The following SKI variants were observed in gnomAD, a reference collection of about 807,000 sequenced individuals.
SKI encodes ski oncogene.
A neutral mutation model predicts 59.3 loss-of-function variants in SKI; 23 were observed. The observed-to-expected ratio is 0.39, with a 90% CI of 0.28 to 0.55. The LOEUF (loss-of-function observed/expected upper bound fraction) is 0.55. Among genes scored for constraint, SKI ranks in the 20% least tolerant of loss-of-function variants. The pLI is 0.67. For synonymous variants in SKI, 673 were observed against 488.6 expected (o/e 1.38, Z -4.98); for missense variants, 1,017 against 1,038.9 (o/e 0.98, Z 0.29).
intron 1 of SKI, among the ~76,000 whole-genome samples, chr1:2,254,457 C>T (rs1448065696): frequency 2.0e-5 from 3 of 152,208 alleles, no homozygotes; most frequent in Admixed American, 6.5e-5. Flanking sequence ...CGTCCCTTCC[C>T]GAAGGCTTGA....
At chr1:2,274,358 G>GC (rs1639696384) in intron 1 of SKI, among the ~76,000 whole-genome samples, 1 of 152,124 alleles carries the variant, frequency 6.6e-6, no homozygotes, top group Non-Finnish European at 1.5e-5. Context: ...TTTCAGCCAG[G>GC]CCCCCATATG....
intron 1 of SKI, among the ~76,000 whole-genome samples, 177 bp from the exon 2 acceptor site, chr1:2,302,801 T>C (rs1250532243): frequency 6.6e-6 from 1 of 152,190 alleles, no homozygotes; most frequent in Non-Finnish European, 1.5e-5. Flanking sequence ...TAAGGGCCTT[T>C]ATGCAAAGTG....
intron 1 of SKI, among the ~76,000 whole-genome samples, chr1:2,277,108 AAAAG>A (rs1329122333): frequency 6.6e-6 from 1 of 152,150 alleles, no homozygotes; most frequent in African/African-American, 2.4e-5. Context: ...TGTTTGTTTA[AAAAG>A]AAAGGCTGTT....
In SKI at chr1:2,276,149, G is replaced by T. The variant is rs552199255; in HGVS notation, c.970-26829G>T. Among the ~76,000 whole-genome samples, 17 of 152,284 alleles carry T rather than the reference G, an allele frequency of 1.1e-4. No homozygotes were observed. In the East Asian group the frequency reaches 2.7e-3, roughly 24 times the overall value. ...TACTGTGATTGAGCACAGGGCCTGT[G>T]GACTCTCCCATTCACGCAGCCACAT... On this transcript the variant is annotated intron_variant, in intron 1 of 6. Coordinates refer to ENST00000378536, the MANE Select transcript of SKI (RefSeq NM_003036.4).
intron 1 of SKI, among the ~76,000 whole-genome samples, chr1:2,277,816 G>C (rs927722137): frequency 7.3e-6 from 1 of 137,890 alleles, no homozygotes; most frequent in African/African-American, 2.8e-5. Context: ...CTGCACTCAC[G>C]CACACACCTG....
At chr1:2,258,397 C>T (rs1376436101) in intron 1 of SKI, among the ~76,000 whole-genome samples, 3 of 151,658 alleles carry the variant, frequency 2.0e-5, no homozygotes, top group African/African-American at 2.4e-5. Flanking sequence ...CGTGCTACGG[C>T]GTCATGGAAG....
At chr1:2,254,463 C>T (rs926611102) in intron 1 of SKI, among the ~76,000 whole-genome samples, 1 of 152,212 alleles carries the variant, frequency 6.6e-6, no homozygotes, top group Non-Finnish European at 1.5e-5. Context: ...TTCCCGAAGG[C>T]TTGAGGTCCT....
chr1:2,237,150 C>G (rs920026854), intron 1 of SKI, among the ~76,000 whole-genome samples: 1 of 152,182 alleles, frequency 6.6e-6, no homozygotes, highest in Non-Finnish European at 1.5e-5. Context: ...GGTGACTCCA[C>G]GACAGCTTGT....
chr1:2,229,854 C>T lies in SKI; in HGVS notation c.969+119C>T. On this transcript the variant is annotated intron_variant, in intron 1 of 6. Transcript: ENST00000378536. The surrounding 1 kb of genome is among the most constrained non-coding windows in gnomAD (Gnocchi z 6.3). ...GTGCTTCTGCCGTGCCCCATGTCTC[C>T]AGTCTTCGCTTTGTTTTAGGGAAAT... The T allele has an allele frequency of 4.6e-6, 7 of 1,506,070 alleles. No homozygotes were observed. Among genetic ancestry groups the T allele is most frequent in the Non-Finnish European group, 4.5e-6 (5 of 1,117,266 alleles). The allele number at this position is 1,506,070 out of a possible 1,614,324, so 93.3% of individuals were successfully genotyped here. A position where few individuals can be genotyped will look rare whatever the true frequency, so the allele number is the denominator to read the frequency against.
At chr1:2,234,190 C>T (rs537264828) in intron 1 of SKI, among the ~76,000 whole-genome samples, 9 of 152,212 alleles carry the variant, frequency 5.9e-5, no homozygotes, top group African/African-American at 1.4e-4. Context: ...AACAGCAGCT[C>T]GAGAGTGGTT....
chr1:2,303,435 C>T lies in SKI; in HGVS notation c.1211+35C>T, dbSNP rs747369930. The stretch of plus-strand genomic sequence containing the variant: ...CGCCATTCACAGGTGTTTCTGATCA[C>T]GGGGGAGGCTCCACGAGGGCTGTGC... On this transcript the variant is annotated intron_variant, in intron 3 of 6. Coordinates refer to ENST00000378536, the MANE Select transcript of SKI (RefSeq NM_003036.4). The surrounding 1 kb of genome is among the most constrained non-coding windows in gnomAD (Gnocchi z 5.6). 1.4e-5 allele frequency: 22 copies of T among 1,566,188 alleles called. No homozygotes were observed. Among genetic ancestry groups the T allele is most frequent in the Non-Finnish European group, 1.8e-5 (20 of 1,140,332 alleles).
chr1:2,250,044 A>G (rs980011827), intron 1 of SKI, among the ~76,000 whole-genome samples: 2 of 152,058 alleles, frequency 1.3e-5, no homozygotes, highest in African/African-American at 4.8e-5. Context: ...AGCTGGGATT[A>G]CAGGCGCCCG....
chr1:2,271,606 C>G (rs1373397241), intron 1 of SKI, among the ~76,000 whole-genome samples: 1 of 152,276 alleles, frequency 6.6e-6, no homozygotes, highest in South Asian at 2.1e-4. Context: ...TTTTGTGCTA[C>G]GCTGCTCTCG....
intron 5 of SKI, 77 bp downstream of exon 5, chr1:2,304,662 G>C (rs1193180521): frequency 4.1e-6 from 6 of 1,472,598 alleles, no homozygotes; most frequent in Non-Finnish European, 5.4e-6. Flanking sequence ...ACGGGCACAG[G>C]TGGTGCCTCC....
chr1:2,249,927 T>C (rs1639088603), intron 1 of SKI, among the ~76,000 whole-genome samples: 1 of 152,146 alleles, frequency 6.6e-6, no homozygotes, highest in Admixed American at 6.5e-5. Flanking sequence ...TTTTTTTTGA[T>C]ACAGTGTCAC....
chr1:2,290,732 G>C (rs1640143743), intron 1 of SKI, among the ~76,000 whole-genome samples: 1 of 152,218 alleles, frequency 6.6e-6, no homozygotes, highest in African/African-American at 2.4e-5. Context: ...TTCTGCCCCA[G>C]CTAGCGCTTG....
intron 1 of SKI, among the ~76,000 whole-genome samples, chr1:2,246,704 T>C (rs1639004628): frequency 6.6e-6 from 1 of 152,126 alleles, no homozygotes. Context: ...GATGAAGAGA[T>C]GACAGTGACC....
chr1:2,283,386 C>T (rs1417296627), intron 1 of SKI, among the ~76,000 whole-genome samples: 2 of 152,178 alleles, frequency 1.3e-5, no homozygotes, highest in Non-Finnish European at 2.9e-5. Flanking sequence ...GAGTATGTCT[C>T]TGTGAAAATG....
In SKI at chr1:2,306,659, C is replaced by T; in HGVS notation, c.2081C>T (p.Ala694Val). Residue 694 changes from alanine to valine, a missense_variant, in exon 7 of 7, where the codon GCC becomes GTC. Physicochemically the swap from Ala to Val is moderately conservative, Grantham distance 64 (BLOSUM62 0). Coordinates refer to ENST00000378536, the MANE Select transcript of SKI (RefSeq NM_003036.4). Reference sequence around the variant, plus strand: ...GCCGACCTGCTGCGGGAGCGCGAGGCCCGGGAGCACCTGGAGAAGGTGGTG... The same window carrying T: ...GCCGACCTGCTGCGGGAGCGCGAGGTCCGGGAGCACCTGGAGAAGGTGGTG... ...LRADLLRERE[A>V]REHLEKVVKE... The T allele has an allele frequency of 1.3e-6, 2 of 1,544,970 alleles. No homozygotes were observed. The highest frequency in any genetic ancestry group is 1.7e-6 in the Non-Finnish European group (2 of 1,145,290).
Sources: allele counts gnomAD v4.1 joint callset (sites outside exome capture counted in the v4.1 genomes callset), GRCh38; gene constraint gnomAD v4.1.1; non-coding constraint Gnocchi (gnomAD v3.1); transcripts MANE v1.5; gene names NCBI Gene and HGNC (gene_info 2026-07-23, HGNC 2026-07-21).